The following ANK3 variants were observed in gnomAD, a reference collection of about 807,000 sequenced individuals.
The protein encoded by ANK3 is ankyrin-3.
In ANK3, 57 loss-of-function variants were observed where a neutral mutation model predicts 370.9. The ratio of observed to expected loss-of-function variants is 0.15; its 90% CI spans 0.12 to 0.19. The LOEUF is 0.19. ANK3 is among the 10% of genes least tolerant of loss of function. ANK3 has a pLI of 1.00. For synonymous variants in ANK3, 1,929 were observed against 1,946.3 expected (o/e 0.99, Z 0.23); for missense variants, 4,439 against 5,302.1 (o/e 0.84, Z 5.06).
At chr10:60,195,048 AGCACTGCAGCTGCCC>A (rs1036175407) in intron 16 of ANK3, among the ~76,000 whole-genome samples, 19 of 152,244 alleles carry the variant, frequency 1.2e-4, no homozygotes, top group African/African-American at 3.4e-4. Context: ...TTTAAAGGAG[AGCACTGCAGCTGCCC>A]CAACATGGAT....
intron 1 of ANK3, among the ~76,000 whole-genome samples, chr10:60,698,660 C>A (rs1270873580): frequency 6.3e-5 from 9 of 143,346 alleles, no homozygotes; most frequent in Non-Finnish European, 1.1e-4. Flanking sequence ...GAACAAAAAA[C>A]CAAACACCGC....
chr10:60,620,512 A>G (rs2078321347), intron 1 of ANK3, among the ~76,000 whole-genome samples: 1 of 152,232 alleles, frequency 6.6e-6, no homozygotes, highest in Admixed American at 6.5e-5. Flanking sequence ...AAAGTTACAC[A>G]GTAAATAAGT....
In ANK3 at chr10:60,536,442, C is replaced by T. The variant is rs76041015; in HGVS notation, c.96+78744G>A. On this transcript the variant is annotated intron_variant, in intron 2 of 43. Coordinates refer to the ANK3 transcript ENST00000373827. ...CACCTGAAATTCATCCGCTTTCCTTCTTTAAAATCCTTTTAAATAAAGTTT... is the reference window on the plus strand; with the variant it reads ...CACCTGAAATTCATCCGCTTTCCTTTTTTAAAATCCTTTTAAATAAAGTTT... Among the ~76,000 whole-genome samples the T allele has an allele frequency of 5.6e-3, 854 of 152,152 alleles. 13 individuals carry two copies. Among genetic ancestry groups the T allele is most frequent in the African/African-American group, 0.02 (813 of 41,528 alleles).
chr10:60,336,110 C>G (rs1478844939), intron 1 of ANK3, among the ~76,000 whole-genome samples: 2 of 151,584 alleles, frequency 1.3e-5, no homozygotes, highest in Non-Finnish European at 2.9e-5. Context: ...AAGCTGGTGC[C>G]AAGGAGCAGG....
intron 1 of ANK3, among the ~76,000 whole-genome samples, chr10:60,384,670 C>T (rs903775312): frequency 1.4e-4 from 21 of 152,308 alleles, no homozygotes; most frequent in Admixed American, 7.2e-4. Flanking sequence ...TTTCTCTTCT[C>T]AAAGGGTTAT....
intron 1 of ANK3, among the ~76,000 whole-genome samples, chr10:60,371,060 A>G (rs1223027321): frequency 6.6e-6 from 1 of 152,144 alleles, no homozygotes; most frequent in Non-Finnish European, 1.5e-5. Context: ...TTCTCTTCCA[A>G]CCACATTCAG....
At chr10:60,449,258 A>G (rs117881937) in intron 2 of ANK3, among the ~76,000 whole-genome samples, 3,924 of 152,252 alleles carry the variant, frequency 0.026, 74 homozygotes, top group South Asian at 0.05. Flanking sequence ...ATAAAAAATA[A>G]ATTTTATTAA....
At chr10:60,378,883 G>GAA (rs1034577609) in intron 1 of ANK3, among the ~76,000 whole-genome samples, 3 of 146,948 alleles carry the variant, frequency 2.0e-5, no homozygotes, top group African/African-American at 7.5e-5. Flanking sequence ...CCTCTGCACA[G>GAA]AAAAAAAAAA....
At chr10:60,667,995 T>G (rs1436673259) in intron 1 of ANK3, among the ~76,000 whole-genome samples, 7 of 81,428 alleles carry the variant, frequency 8.6e-5, no homozygotes, top group Admixed American at 6.7e-4. Flanking sequence ...AAGTCTAGAT[T>G]AGGGTTTTAA....
rs1555028778 is a variant in ANK3 at position 60,158,685 on chromosome 10, C to CTTTCTTTTTTTT, written c.2614+7905_2614+7906insAAAAAAAAGAAA. 5.0e-4 allele frequency among the ~76,000 whole-genome samples: 67 copies of CTTTCTTTTTTTT among 132,758 alleles called. 2 individuals are homozygous for CTTTCTTTTTTTT. The highest frequency in any genetic ancestry group is 4.2e-3 in the Middle Eastern group (1 of 236). The allele number at this position is 132,758 out of a possible 152,430, so 87.1% of individuals were successfully genotyped here. On this transcript the variant is annotated intron_variant, in intron 23 of 43. Transcript: ENST00000280772. ...TACTACAAGAGAAAGCACTTTTTTT[C>CTTTCTTTTTTTT]TTTTTTTTGAGACAGAATCTCATTC...
At chr10:60,434,191 G>A (rs1054947974) in intron 2 of ANK3, among the ~76,000 whole-genome samples, 3 of 152,116 alleles carry the variant, frequency 2.0e-5, no homozygotes, top group Admixed American at 6.6e-5. Flanking sequence ...AAAGAAAATG[G>A]TTTTACCTTT....
chr10:60,479,772 G>T (rs904197781), intron 2 of ANK3, among the ~76,000 whole-genome samples: 1 of 151,898 alleles, frequency 6.6e-6, no homozygotes, highest in African/African-American at 2.4e-5. Flanking sequence ...TCAAGGTTCA[G>T]TTCAAACACA....
intron 4 of ANK3, 140 bp downstream of exon 4, chr10:60,278,634 G>A (rs186353743): frequency 2.4e-4 from 162 of 688,062 alleles, no homozygotes; most frequent in Non-Finnish European, 3.7e-4. Flanking sequence ...GCCTTCCAAA[G>A]TGTGCCAAAT....
At chr10:60,159,548 C>T (rs1306005376) in intron 23 of ANK3, among the ~76,000 whole-genome samples, 1 of 152,082 alleles carries the variant, frequency 6.6e-6, no homozygotes, top group African/African-American at 2.4e-5. Flanking sequence ...TGGACTTAAT[C>T]TACCATAGAC....
chr10:60,411,052 G>A (rs1215165524), intron 2 of ANK3, among the ~76,000 whole-genome samples: 1 of 152,094 alleles, frequency 6.6e-6, no homozygotes, highest in Non-Finnish European at 1.5e-5. Context: ...TCCACTGGGG[G>A]AACTCCAAGG....
intron 2 of ANK3, among the ~76,000 whole-genome samples, chr10:60,574,505 A>G (rs1387398086): frequency 6.6e-6 from 1 of 152,164 alleles, no homozygotes; most frequent in African/African-American, 2.4e-5. Flanking sequence ...TTCTGCCACT[A>G]TTCAGTAACA....
rs2082991599 is a variant in ANK3, at chr10:60,072,799, A to C, written c.8082T>G (p.Ser2694Arg). 1 of 1,613,944 alleles carries C rather than the reference A, an allele frequency of 6.2e-7. No individual in the cohort carries two copies. The highest frequency in any genetic ancestry group is 1.1e-5 in the South Asian group (1 of 91,078). The change falls in exon 37 of 44, where the codon AGT becomes AGG. Residue 2694 changes from serine (S) to arginine (R), a missense_variant. Ser to Arg is a moderately radical substitution (Grantham distance 110). Around this residue, in one of 13 missense-constraint regions of ANK3, gnomAD observed 1,601 missense variants for 1,731.7 expected, o/e 0.92. Transcript: ENST00000280772. ...CATCTGGTGCTTTGCTCTGTGAAAT[A>C]CTTCCTTTGGCTTCCACTGTGGACT... ...DSKSTVEAKG[S>R]ISQSKAPDGP...
intron 23 of ANK3, chr10:60,140,539 G>A: frequency 7.0e-7 from 1 of 1,435,002 alleles, no homozygotes; most frequent in Non-Finnish European, 9.1e-7. Flanking sequence ...GTAGGCAATT[G>A]AGGAATTATA....
intron 2 of ANK3, among the ~76,000 whole-genome samples, chr10:60,459,464 G>A (rs866135216): frequency 6.6e-6 from 1 of 152,116 alleles, no homozygotes; most frequent in South Asian, 2.1e-4. Flanking sequence ...ACCTGTTGCT[G>A]CTACCTTTGT....
Sources: gnomAD v4.1 joint callset for allele counts (sites outside exome capture counted in the v4.1 genomes callset) on GRCh38, gnomAD v4.1.1 for gene constraint, gnomAD v4.1.1 regional missense constraint, MANE v1.5 for transcripts, NCBI Gene and HGNC (gene_info 2026-07-23, HGNC 2026-07-21) for gene names.